The following ABCC3 variants were observed in gnomAD, a reference collection of about 807,000 sequenced individuals.
ABCC3 encodes ATP binding cassette subfamily C member 3, also known as ATP-binding cassette sub-family C member 3.
Under a neutral mutation model 165.3 loss-of-function variants are expected in ABCC3, and 121 were observed. The observed-to-expected ratio is 0.73, with a 90% CI of 0.63 to 0.85. The LOEUF (loss-of-function observed/expected upper bound fraction) is 0.85, where lower values mean the gene tolerates loss of function less well. Ranked by LOEUF, ABCC3 falls within the 40% of genes least tolerant of loss-of-function variation. The pLI, the probability that ABCC3 is intolerant of heterozygous loss-of-function variation, is 0.00. For missense variants in ABCC3, 1,869 were observed against 1,964.1 expected (o/e 0.95, Z 0.92); for synonymous variants, 733 against 810.1 (o/e 0.90, Z 1.62).
At chr17:50,687,442 C>A (rs1968041940) in intron 29 of ABCC3, 94 bp from the exon 30 acceptor site, 4 of 1,282,972 alleles carry the variant, frequency 3.1e-6, no homozygotes, top group Non-Finnish European at 3.3e-6. Flanking sequence ...GAAAACCAGT[C>A]CTGGGCCACT....
chr17:50,635,580 G>A (rs1016831313), intron 1 of ABCC3: 5 of 702,506 alleles, frequency 7.1e-6, no homozygotes, highest in African/African-American at 3.5e-5. Flanking sequence ...GAAGGGAGAA[G>A]CAGACCCCAG....
chr17:50,677,093 G>A (rs1967836373), intron 23 of ABCC3, among the ~76,000 whole-genome samples: 2 of 152,168 alleles, frequency 1.3e-5, no homozygotes, highest in South Asian at 4.1e-4. Context: ...TGTTGGCCAG[G>A]CTGCTCTTGA....
At chr17:50,685,581 A>G (rs1968008964) in intron 29 of ABCC3, among the ~76,000 whole-genome samples, 1 of 152,308 alleles carries the variant, frequency 6.6e-6, no homozygotes, top group South Asian at 2.1e-4. Flanking sequence ...ATTTCAACAC[A>G]TCATTGATAT....
At position 50,665,338 on chromosome 17, in the gene ABCC3, C is replaced by G. The variant is rs187736912; in HGVS notation, c.1431+93C>G. On this transcript the variant is annotated intron_variant, in intron 11 of 30. Coordinates refer to ENST00000285238, the MANE Select transcript of ABCC3 (RefSeq NM_003786.4). ...ACTAACCTTGGGGCCTCCCAACTAC[C>G]TTGCTTCCTGAGTATGGATGGCTAC... is the stretch of plus-strand genomic sequence containing the variant. 1.5e-4 allele frequency: 171 copies of G among 1,131,094 alleles called. No individual in the cohort carries two copies. The African/African-American group carries it at 2.5e-3, about 17-fold the overall frequency. The allele number at this position is 1,131,094 out of a possible 1,614,324, so 70.1% of individuals were successfully genotyped here. A position where few individuals can be genotyped will look rare whatever the true frequency, so the allele number is the denominator to read the frequency against.
At chr17:50,664,218 C>A in intron 10 of ABCC3, 107 bp downstream of exon 10, 1 of 1,463,700 alleles carries the variant, frequency 6.8e-7, no homozygotes, top group Non-Finnish European at 9.3e-7. Flanking sequence ...GTAGTCCCAG[C>A]TGCTCAGGCG....
chr17:50,673,901 TTTC>T (rs1312676222), intron 19 of ABCC3, among the ~76,000 whole-genome samples: 95 of 9,050 alleles, frequency 0.01, no homozygotes, highest in Middle Eastern at 0.071. Flanking sequence ...CAGAGCCTGT[TTTC>T]TTTCTTTCTT....
chr17:50,638,364 T>A (rs1385016145), intron 1 of ABCC3, among the ~76,000 whole-genome samples: 1 of 152,066 alleles, frequency 6.6e-6, no homozygotes. Flanking sequence ...AATCTGAAGA[T>A]CCTGACCATG....
chr17:50,690,630 AGCAGCAGCC>A (rs1021839813), intron 30 of ABCC3, among the ~76,000 whole-genome samples: 6 of 151,970 alleles, frequency 3.9e-5, no homozygotes, highest in Non-Finnish European at 7.4e-5. Flanking sequence ...CAGCAGCAGC[AGCAGCAGCC>A]GCAGCAGCCG....
At chr17:50,659,392 C>T (rs907593972) in intron 7 of ABCC3, 24 bp downstream of exon 7, 5 of 1,593,526 alleles carry the variant, frequency 3.1e-6, no homozygotes, top group African/African-American at 2.7e-5. Flanking sequence ...CTTGCCCCAA[C>T]ACCCAGCCCC....
At chr17:50,656,066 T>C in intron 2 of ABCC3, 58 bp downstream of exon 2, 1 of 1,297,094 alleles carries the variant, frequency 7.7e-7, no homozygotes, top group Non-Finnish European at 1.0e-6. Context: ...TCTGCTTTTA[T>C]TTTTTAATTT....
chr17:50,685,018 C>A (rs1484067104), intron 29 of ABCC3, 143 bp downstream of exon 29: 2 of 947,694 alleles, frequency 2.1e-6, no homozygotes, highest in African/African-American at 3.3e-5. Flanking sequence ...GAGCATATTC[C>A]GTGTGCCAGG....
intron 1 of ABCC3, among the ~76,000 whole-genome samples, chr17:50,649,589 AAGGAG>A (rs752589069): frequency 4.4e-4 from 32 of 73,094 alleles, no homozygotes; most frequent in East Asian, 1.4e-3. Flanking sequence ...TCAAAAAAAG[AAGGAG>A]AGGAGAGGAG....
intron 1 of ABCC3, among the ~76,000 whole-genome samples, chr17:50,643,924 A>G (rs1342446004): frequency 1.3e-5 from 2 of 152,122 alleles, no homozygotes; most frequent in Non-Finnish European, 2.9e-5. Flanking sequence ...GTTTGTGGGC[A>G]TGAGGCAAGA....
Position 50,668,508 on chromosome 17 carries a change from A to T in ABCC3, c.1861A>T (p.Ile621Phe). 6.2e-7 allele frequency: 1 copy of T among 1,613,640 alleles called. No individual in the cohort carries two copies. Among genetic ancestry groups the T allele is most frequent in the Non-Finnish European group, 8.5e-7 (1 of 1,179,722 alleles). Residue 621 changes from isoleucine (I) to phenylalanine (F), a missense_variant, in exon 14 of 31, where the codon ATC becomes TTC. Coordinates refer to ENST00000285238, the MANE Select transcript of ABCC3 (RefSeq NM_003786.4). ...LDPQSVERKT[I>F]SPGYAITIHS... is the part of the protein sequence containing the mutation. Reference sequence around the variant, plus strand: ...CCCCCAGAGTGTGGAAAGAAAGACCATCTCCCCAGGTCTAGAGAGCCCCTA... The same window carrying T: ...CCCCCAGAGTGTGGAAAGAAAGACCTTCTCCCCAGGTCTAGAGAGCCCCTA...
chr17:50,668,083 G>C, intron 13 of ABCC3, 74 bp downstream of exon 13: 1 of 1,310,294 alleles, frequency 7.6e-7, no homozygotes, highest in Non-Finnish European at 1.1e-6. Flanking sequence ...GTCACTTAGG[G>C]CAAGGGATAA....
At chr17:50,677,632 G>A in intron 23 of ABCC3, 112 bp from the exon 24 acceptor site, 2 of 1,062,974 alleles carry the variant, frequency 1.9e-6, no homozygotes, top group East Asian at 2.4e-5. Flanking sequence ...GTCTCGTGGT[G>A]GGAGTGAGGC....
Position 50,683,940 on chromosome 17 carries a change from T to A in ABCC3, c.3955-9T>A. On this transcript the variant is annotated splice_polypyrimidine_tract_variant and intron_variant, in intron 27 of 30. Coordinates refer to ENST00000285238, the MANE Select transcript of ABCC3 (RefSeq NM_003786.4). Reference sequence around the variant, plus strand: ...TTCCCCCTCAGAGCCCCTTCCCTTCTCCGCCCAGGTGGGGATCGTGGGCCG... The same window carrying A: ...TTCCCCCTCAGAGCCCCTTCCCTTCACCGCCCAGGTGGGGATCGTGGGCCG... The A allele has an allele frequency of 6.2e-7, 1 of 1,611,766 alleles. No homozygotes were observed. The highest frequency in any genetic ancestry group is 8.5e-7 in the Non-Finnish European group (1 of 1,179,068).
chr17:50,675,618 G>A lies in ABCC3; in HGVS notation c.2715-13G>A, dbSNP rs1443436793. On this transcript the variant is annotated splice_polypyrimidine_tract_variant and intron_variant, in intron 20 of 30. Transcript: ENST00000285238. ...GAGGCCCCCTCCCTGGGCCTGACCA[G>A]CTGCCTCCACAGACAGCTGAGTGCC... The A allele has an allele frequency of 6.4e-7, 1 of 1,562,316 alleles. No homozygotes were observed. Among genetic ancestry groups the A allele is most frequent in the Admixed American group, 1.9e-5 (1 of 52,032 alleles).
In ABCC3 at chr17:50,665,143, G is replaced by A. The variant is rs1967492529; in HGVS notation, c.1339-10G>A. On this transcript the variant is annotated splice_polypyrimidine_tract_variant and intron_variant, in intron 10 of 30. Coordinates refer to ENST00000285238, the MANE Select transcript of ABCC3 (RefSeq NM_003786.4). ...CCCTATGTGTCATCTATCCACCGGTGCCTCCTCAGAACCTAGGTCCCTCTG... is the reference window on the plus strand; with the variant it reads ...CCCTATGTGTCATCTATCCACCGGTACCTCCTCAGAACCTAGGTCCCTCTG... The A allele has an allele frequency of 6.2e-7, 1 of 1,613,448 alleles. No individual in the cohort carries two copies. The highest frequency in any genetic ancestry group is 1.3e-5 in the African/African-American group (1 of 74,914).
Sources: gnomAD v4.1 joint callset for allele counts (sites outside exome capture counted in the v4.1 genomes callset) on GRCh38, gnomAD v4.1.1 for gene constraint, MANE v1.5 for transcripts, NCBI Gene and HGNC (gene_info 2026-07-23, HGNC 2026-07-21) for gene names.